The following BLTP1 variants were observed in gnomAD, a reference collection of about 807,000 sequenced individuals.
The protein encoded by BLTP1 is bridge-like lipid transfer protein family member 1, also known as fragile site-associated protein.
At chr4:122,331,360 G>A in the BLTP1 span, 2 of 1,611,550 alleles carry the variant, frequency 1.2e-6, no homozygotes, top group Non-Finnish European at 1.7e-6. Context: ...AGGCTTTGCT[G>A]CTGTTCATCA....
At chr4:122,185,075 T>A in the BLTP1 span, 1 of 985,316 alleles carries the variant, frequency 1.0e-6, no homozygotes, top group Non-Finnish European at 1.2e-6. Flanking sequence ...AATAGTGAAA[T>A]CTAAAGTAAT....
the BLTP1 span, chr4:122,339,485 T>C: frequency 1.0e-6 from 1 of 970,132 alleles, no homozygotes; most frequent in East Asian, 2.9e-5. Flanking sequence ...TAGTAATTAA[T>C]ACATATTTTA....
the BLTP1 span, chr4:122,192,200 G>A: frequency 2.5e-6 from 4 of 1,605,116 alleles, no homozygotes; most frequent in Admixed American, 5.1e-5. Context: ...TTAAATAACT[G>A]CCTTTATATT....
the BLTP1 span, among the ~76,000 whole-genome samples, chr4:122,260,391 C>A: frequency 6.6e-6 from 1 of 151,958 alleles, no homozygotes; most frequent in Admixed American, 6.6e-5. Flanking sequence ...AAGATCTCAT[C>A]CTTATCAGTA....
the BLTP1 span, chr4:122,251,549 A>C: frequency 7.1e-6 from 7 of 982,832 alleles, no homozygotes; most frequent in East Asian, 1.1e-4. Flanking sequence ...TAATTAAGGA[A>C]ATTTAAAAAT....
chr4:122,231,739 A>ATT, the BLTP1 span: 4 of 976,580 alleles, frequency 4.1e-6, no homozygotes, highest in Non-Finnish European at 4.9e-6. Context: ...GCATGTGTAT[A>ATT]TTATTCTAGG....
the BLTP1 span, chr4:122,299,929 G>A: frequency 8.8e-5 from 87 of 984,746 alleles, no homozygotes; most frequent in Admixed American, 1.8e-4. Flanking sequence ...AGGTACAAGC[G>A]TACAGGCAGG....
chr4:122,261,225 T>G, the BLTP1 span: 31 of 850,684 alleles, frequency 3.6e-5, no homozygotes, highest in South Asian at 1.5e-3. Flanking sequence ...GTTTCCACAG[T>G]ATAGTTAGAC....
the BLTP1 span, chr4:122,349,375 T>C: frequency 1.3e-6 from 2 of 1,561,650 alleles, no homozygotes; most frequent in Non-Finnish European, 1.7e-6. The surrounding 1 kb of genome is among the most constrained non-coding windows in gnomAD (Gnocchi z 4.5). Flanking sequence ...TCAAAAAAAA[T>C]GCTTTTGGAG....
At chr4:122,334,142 G>T in the BLTP1 span, 18 of 188,172 alleles carry the variant, frequency 9.6e-5, no homozygotes, top group African/African-American at 4.3e-4. Flanking sequence ...AGTTCGAAAG[G>T]ACATTAAAGA....
At chr4:122,175,861 G>C in the BLTP1 span, 1 of 1,579,658 alleles carries the variant, frequency 6.3e-7, no homozygotes, top group Non-Finnish European at 8.7e-7. Context: ...ATTCAAGATG[G>C]ATTCATCATT....
chr4:122,249,223 T>C, the BLTP1 span: 1 of 592,124 alleles, frequency 1.7e-6, no homozygotes, highest in Non-Finnish European at 2.1e-6. Flanking sequence ...TTTTTAACTT[T>C]ATATTTTTTA....
the BLTP1 span, chr4:122,333,938 A>G: frequency 8.6e-7 from 1 of 1,165,776 alleles, no homozygotes; most frequent in Admixed American, 3.4e-5. Flanking sequence ...TAATATAGCC[A>G]TATTCTGGAC....
chr4:122,292,067 T>C, the BLTP1 span, among the ~76,000 whole-genome samples: 2 of 148,390 alleles, frequency 1.3e-5, no homozygotes, highest in South Asian at 4.3e-4. Flanking sequence ...ACCTCCCGGG[T>C]TCAGGCGATT....
At chr4:122,261,291 C>T in the BLTP1 span, 1 of 985,146 alleles carries the variant, frequency 1.0e-6, no homozygotes. Flanking sequence ...GTTTTTTCAA[C>T]CTTCTGAATC....
the BLTP1 span, among the ~76,000 whole-genome samples, chr4:122,188,663 G>A: frequency 2.6e-5 from 4 of 151,500 alleles, no homozygotes; most frequent in Non-Finnish European, 2.9e-5. Flanking sequence ...ACTCATTATA[G>A]GAATGATGTA....
chr4:122,177,156 C>G, the BLTP1 span, among the ~76,000 whole-genome samples: 1 of 152,168 alleles, frequency 6.6e-6, no homozygotes, highest in African/African-American at 2.4e-5. Context: ...ATCTTCCCAC[C>G]CAAACCTACC....
At chr4:122,162,580 A>C in the BLTP1 span, 38 of 985,274 alleles carry the variant, frequency 3.9e-5, no homozygotes, top group Non-Finnish European at 4.6e-5. Flanking sequence ...GATTTGGGTC[A>C]AGCTGTGGTG....
At chr4:122,214,254 CA>C in the BLTP1 span, 2 of 947,292 alleles carry the variant, frequency 2.1e-6, no homozygotes, top group Non-Finnish European at 2.5e-6. Flanking sequence ...AAGTAGGTGA[CA>C]AGACACTCAT....
Sources: gnomAD v4.1 joint callset for allele counts (sites outside exome capture counted in the v4.1 genomes callset) on GRCh38, gnomAD v4.1.1 for gene constraint, Gnocchi (gnomAD v3.1) non-coding constraint, MANE v1.5 for transcripts, NCBI Gene and HGNC (gene_info 2026-07-23, HGNC 2026-07-21) for gene names.